Variants in USP33 observed in about 807,000 individuals in gnomAD.
USP33 encodes the protein ubiquitin carboxyl-terminal hydrolase 33.
In USP33, 46 loss-of-function variants were observed where a neutral mutation model predicts 124.2. That is an observed-to-expected ratio of 0.37 (90% CI 0.29 to 0.47). The LOEUF (loss-of-function observed/expected upper bound fraction) is 0.47. Ranked by LOEUF, USP33 falls within the 20% of genes least tolerant of loss-of-function variation. The pLI is 0.99. For missense variants in USP33, 851 were observed against 1,070.6 expected (o/e 0.79, Z 2.86); for synonymous variants, 350 against 352.3 (o/e 0.99, Z 0.07).
Position 77,759,806 on chromosome 1 carries a change from T to C in USP33, c.-215A>G, listed in dbSNP as rs1321508144. ...CGCTGCCCTCGGGGGGTCCGCCTCC[T>C]GAACTGGCCACTTCCCGCAGCAGCC... is the stretch of plus-strand genomic sequence containing the variant. On this transcript the variant is annotated 5_prime_UTR_variant, in exon 1 of 24. Transcript: ENST00000370794. 2 of 397,192 alleles carry C rather than the reference T, an allele frequency of 5.0e-6. No homozygotes were observed. Among genetic ancestry groups the C allele is most frequent in the Non-Finnish European group, 8.9e-6 (2 of 225,194 alleles). The allele number at this position is 397,192 out of a possible 1,614,324, so 24.6% of individuals were successfully genotyped here.
Position 77,728,490 on chromosome 1 carries a change from CATT to C in USP33, c.937_939del (p.Asn313del). On this transcript the variant is annotated inframe_deletion, in exon 10 of 24. Transcript: ENST00000370794. ...TCATCCTGAATTAACATTGTTGTTT[CATT>C]ATTATCTTCAGAAAAGCATCTAGAG... is the stretch of plus-strand genomic sequence containing the variant. The C allele has an allele frequency of 6.2e-7, 1 of 1,614,022 alleles. No homozygotes were observed. Among genetic ancestry groups the C allele is most frequent in the Non-Finnish European group, 8.5e-7 (1 of 1,179,984 alleles).
chr1:77,737,957 T>C (rs1678669328), intron 5 of USP33, among the ~76,000 whole-genome samples: 1 of 152,214 alleles, frequency 6.6e-6, no homozygotes, highest in Non-Finnish European at 1.5e-5. Context: ...GGACAAACTT[T>C]TGTTAATAAT....
intron 18 of USP33, among the ~76,000 whole-genome samples, chr1:77,715,512 T>C (rs1186502622): frequency 6.6e-6 from 1 of 152,240 alleles, no homozygotes; most frequent in East Asian, 1.9e-4. Flanking sequence ...GCACTAAAAT[T>C]AATCTTTCTA....
intron 21 of USP33, among the ~76,000 whole-genome samples, chr1:77,709,408 G>A (rs1228201800): frequency 1.3e-5 from 2 of 151,930 alleles, no homozygotes; most frequent in South Asian, 2.1e-4. Flanking sequence ...CTAGCTACTC[G>A]GGATGCTGAG....
chr1:77,757,176 T>C (rs1308698832), intron 1 of USP33, among the ~76,000 whole-genome samples: 4 of 152,216 alleles, frequency 2.6e-5, no homozygotes, highest in Admixed American at 2.0e-4. Flanking sequence ...CAATCACAAG[T>C]AATGTCTACC....
At chr1:77,720,184 A>AC (rs1379728938) in intron 15 of USP33, 5 of 457,368 alleles carry the variant, frequency 1.1e-5, no homozygotes, top group Non-Finnish European at 1.2e-5. Context: ...AAAAAAAAAA[A>AC]AAAAAAAAAA....
chr1:77,710,079 CA>C (rs1675081024), intron 21 of USP33, among the ~76,000 whole-genome samples: 1 of 152,130 alleles, frequency 6.6e-6, no homozygotes, highest in South Asian at 2.1e-4. Context: ...ATCATTTTCC[CA>C]TATGGAACCA....
Position 77,721,453 on chromosome 1 carries a change from T to C in USP33, c.1658-248A>G, listed in dbSNP as rs942679917. On this transcript the variant is annotated intron_variant, in intron 14 of 23. Transcript: ENST00000370794. ...CATTGAACAAAACTTACTGACTGCC[T>C]GTCATATGTCCAAGCAAGGTGCTAG... is the stretch of plus-strand genomic sequence containing the variant. 5.3e-6 allele frequency: 3 copies of C among 562,312 alleles called. No homozygotes were observed. In the African/African-American group the frequency reaches 5.7e-5, roughly 11 times the overall value. The allele number at this position is 562,312 out of a possible 1,614,324, so 34.8% of individuals were successfully genotyped here. A position where few individuals can be genotyped will look rare whatever the true frequency, so the allele number is the denominator to read the frequency against.
intron 19 of USP33, 127 bp downstream of exon 19, chr1:77,714,487 C>T (rs1675645507): frequency 2.2e-6 from 2 of 912,540 alleles, no homozygotes; most frequent in African/African-American, 3.4e-5. Flanking sequence ...GGAATTAAAA[C>T]ACATTAAGTT....
chr1:77,754,006 G>C (rs1287709536), intron 1 of USP33, among the ~76,000 whole-genome samples: 1 of 152,120 alleles, frequency 6.6e-6, no homozygotes, highest in African/African-American at 2.4e-5. Flanking sequence ...GATGACCAAA[G>C]GGATCCTTTC....
rs539170343 is a variant in USP33, at chr1:77,730,530, G to A, written c.638+88C>T. ...ATCTATCTCTCTTCTACTTTTTTCC[G>A]GCTCCATAAATGGACCTGCAACCTT... On this transcript the variant is annotated intron_variant, in intron 8 of 23. Coordinates refer to ENST00000370794, the MANE Select transcript of USP33 (RefSeq NM_201624.3). 3.8e-5 allele frequency: 37 copies of A among 973,504 alleles called. No homozygotes were observed. In the African/African-American group the frequency reaches 4.1e-4, roughly 11 times the overall value. 60.3% of individuals were successfully genotyped at this position (973,504 alleles called of 1,614,324 possible).
intron 1 of USP33, among the ~76,000 whole-genome samples, chr1:77,742,479 G>T (rs983303009): frequency 6.6e-6 from 1 of 152,070 alleles, no homozygotes; most frequent in Non-Finnish European, 1.5e-5. Context: ...AATCTCTCCA[G>T]GTTTGAGAAC....
chr1:77,724,495 A>G (rs940792379), intron 11 of USP33, among the ~76,000 whole-genome samples: 3 of 152,230 alleles, frequency 2.0e-5, no homozygotes, highest in Non-Finnish European at 2.9e-5. Context: ...CTAAGAAAAC[A>G]TAATACTGGA....
At chr1:77,744,635 G>C (rs1679530798) in intron 1 of USP33, among the ~76,000 whole-genome samples, 1 of 152,194 alleles carries the variant, frequency 6.6e-6, no homozygotes, top group African/African-American at 2.4e-5. Context: ...CTTGAGCTCA[G>C]GAGTTAGAGA....
chr1:77,725,711 G>A lies in USP33; in HGVS notation c.1187C>T (p.Pro396Leu), dbSNP rs1425868330. 3 of 1,614,026 alleles carry A rather than the reference G, an allele frequency of 1.9e-6. No homozygotes were observed. The highest frequency in any genetic ancestry group is 2.5e-6 in the Non-Finnish European group (3 of 1,179,950). Residue 396 changes from proline to leucine, a missense_variant, in exon 11 of 24, where the codon CCA becomes CTA. Pro to Leu is a moderately conservative substitution (Grantham distance 98, BLOSUM62 -3). This residue lies in a region of USP33 where 207 missense variants were observed against 200.9 expected (regional missense o/e 1.03). Transcript: ENST00000370794. The part of the protein sequence containing the change: ...SNDLSTPQIL[P>L]SNEGVNPRLS... Reference sequence around the variant, plus strand: ...ACGTGGATTAACACCTTCATTTGATGGAAGGATCTGTGGTGTAGACAGGTC... The same window carrying A: ...ACGTGGATTAACACCTTCATTTGATAGAAGGATCTGTGGTGTAGACAGGTC...
At chr1:77,725,600 C>T in intron 11 of USP33, 22 bp downstream of exon 11, 1 of 1,611,272 alleles carries the variant, frequency 6.2e-7, no homozygotes, top group Non-Finnish European at 8.5e-7. Flanking sequence ...GCAAAAGAGA[C>T]TGAATAAGAG....
rs1678071802 is a variant in USP33, at chr1:77,733,395, AAAAAAAAAAG to A, written c.524+942_524+951del. Among the ~76,000 whole-genome samples, 10 of 151,886 alleles carry A rather than the reference AAAAAAAAAAG, an allele frequency of 6.6e-5. No individual in the cohort carries two copies. In the South Asian group the frequency reaches 2.1e-3, roughly 32 times the overall value. On this transcript the variant is annotated intron_variant, in intron 7 of 23. Transcript: ENST00000370794. Reference sequence around the variant, plus strand: ...GCAACAGAGTGAGACCCAGCCTAAAAAAAAAAAAAGAAAAAAAAAGTCTCTTCTTCAAAGA... The same window carrying A: ...GCAACAGAGTGAGACCCAGCCTAAAAAAAAAAAAAGTCTCTTCTTCAAAGA...
intron 22 of USP33, among the ~76,000 whole-genome samples, chr1:77,700,676 G>C (rs918445558): frequency 1.5e-4 from 22 of 150,184 alleles, no homozygotes; most frequent in Non-Finnish European, 8.9e-5. Flanking sequence ...TATTGTTGCA[G>C]CCTTTTTCAC....
At chr1:77,732,871 G>T (rs965184204) in intron 7 of USP33, among the ~76,000 whole-genome samples, 18 of 138,942 alleles carry the variant, frequency 1.3e-4, no homozygotes, top group African/African-American at 4.9e-4. Flanking sequence ...TAGGCTCATT[G>T]CAACCTCCAC....
Sources: allele counts gnomAD v4.1 joint callset (sites outside exome capture counted in the v4.1 genomes callset), GRCh38; gene constraint gnomAD v4.1.1; regional missense constraint gnomAD v4.1.1; transcripts MANE v1.5; gene names NCBI Gene and HGNC (gene_info 2026-07-23, HGNC 2026-07-21).